The following DPP6 variants were observed in gnomAD, a reference collection of about 807,000 sequenced individuals.
The protein encoded by DPP6 is dipeptidyl peptidase like 6, also known as A-type potassium channel modulatory protein DPP6.
DPP6 carries 69 observed loss-of-function variants against 122.6 expected under a neutral mutation model. That is an observed-to-expected ratio of 0.56 (90% CI 0.46 to 0.69). The LOEUF (loss-of-function observed/expected upper bound fraction) is 0.69. DPP6 is among the 30% of genes least tolerant of loss of function. The probability of loss-of-function intolerance (pLI) is 0.00; values close to 1 mark genes in which losing one functional copy is unlikely to be tolerated. For missense variants in DPP6, 928 were observed against 1,116.9 expected (o/e 0.83, Z 2.41); for synonymous variants, 418 against 433.1 (o/e 0.97, Z 0.43).
chr7:153,845,151 T>C, the DPP6 span, among the ~76,000 whole-genome samples: 1 of 152,214 alleles, frequency 6.6e-6, no homozygotes, highest in African/African-American at 2.4e-5. Flanking sequence ...CAACTTTTTA[T>C]TAAAATGTAC....
At chr7:154,889,558 A>T in intron 25 of DPP6, 28 bp downstream of exon 25, 1 of 1,586,650 alleles carries the variant, frequency 6.3e-7, no homozygotes. Flanking sequence ...CTCTGTTTTG[A>T]ACCTGGAGCA....
chr7:153,944,351 TG>T (rs1801840068), intron 1 of DPP6, among the ~76,000 whole-genome samples: 1 of 152,178 alleles, frequency 6.6e-6, no homozygotes, highest in Non-Finnish European at 1.5e-5. Context: ...TGCTTGGACC[TG>T]TAGATGGACA....
At chr7:154,140,750 C>T (rs1400735182) in intron 1 of DPP6, among the ~76,000 whole-genome samples, 1 of 152,090 alleles carries the variant, frequency 6.6e-6, no homozygotes, top group African/African-American at 2.4e-5. Flanking sequence ...TTTTTTAAGC[C>T]TCATTTCTAA....
intron 1 of DPP6, among the ~76,000 whole-genome samples, chr7:154,324,897 T>C (rs1210141672): frequency 1.4e-5 from 2 of 145,864 alleles, no homozygotes; most frequent in Non-Finnish European, 3.0e-5. Context: ...TCTTGCTCTG[T>C]TGCCCCTGGA....
chr7:154,639,810 C>T (rs528773095), intron 6 of DPP6, among the ~76,000 whole-genome samples: 1 of 152,164 alleles, frequency 6.6e-6, no homozygotes, highest in Admixed American at 6.5e-5. Context: ...TATTGGTTAG[C>T]TTTCATATAC....
chr7:154,217,313 G>A (rs1423203109), intron 1 of DPP6, among the ~76,000 whole-genome samples: 1 of 152,212 alleles, frequency 6.6e-6, no homozygotes, highest in Non-Finnish European at 1.5e-5. Context: ...TTAAGTAAGA[G>A]TGGTCCTTGG....
At chr7:154,883,268 TCACA>T (rs201106275) in intron 21 of DPP6, among the ~76,000 whole-genome samples, 1,378 of 112,824 alleles carry the variant, frequency 0.012, 27 homozygotes, top group African/African-American at 0.046. Context: ...ACACCTGCTC[TCACA>T]CACATGCTCA....
chr7:154,324,985 C>T (rs1260384482), intron 1 of DPP6, among the ~76,000 whole-genome samples: 4 of 151,486 alleles, frequency 2.6e-5, no homozygotes, highest in Non-Finnish European at 5.9e-5. Flanking sequence ...CTCACTCAGC[C>T]TCCCGAGTAG....
intron 1 of DPP6, among the ~76,000 whole-genome samples, chr7:154,030,534 T>C (rs1799173274): frequency 6.6e-6 from 1 of 152,142 alleles, no homozygotes; most frequent in South Asian, 2.1e-4. Flanking sequence ...ATAACGGTGC[T>C]TCCTGCTGCT....
intron 10 of DPP6, among the ~76,000 whole-genome samples, chr7:154,790,053 C>G (rs1409029225): frequency 6.6e-6 from 1 of 152,084 alleles, no homozygotes; most frequent in Non-Finnish European, 1.5e-5. Context: ...CAAAAATTAG[C>G]CGGGCATGGT....
At chr7:154,245,098 G>A (rs1349519249) in intron 1 of DPP6, among the ~76,000 whole-genome samples, 1 of 151,462 alleles carries the variant, frequency 6.6e-6, no homozygotes, top group Non-Finnish European at 1.5e-5. Flanking sequence ...TTACAGGCAT[G>A]CACCACCATG....
At chr7:153,994,433 A>G (rs1259114046) in intron 1 of DPP6, among the ~76,000 whole-genome samples, 1 of 151,640 alleles carries the variant, frequency 6.6e-6, no homozygotes, top group Admixed American at 6.6e-5. Context: ...TTCATATCCA[A>G]TATTAAATTG....
chr7:153,959,176 T>C (rs1020910991), intron 1 of DPP6, among the ~76,000 whole-genome samples: 3 of 149,618 alleles, frequency 2.0e-5, no homozygotes, highest in African/African-American at 7.4e-5. Context: ...CTTTTTTTTT[T>C]CTGTTGTATA....
Position 154,893,148 on chromosome 7 carries a change from G to T in DPP6, c.*668G>T, listed in dbSNP as rs1234806852. On this transcript the variant is annotated 3_prime_UTR_variant, in exon 26 of 26. Coordinates refer to ENST00000377770, the MANE Select transcript of DPP6 (RefSeq NM_130797.4). ...TCATGGGGTTGTTTTGCTGTTTGGGGTTGGGCCTTGTTTCCCTTTCCTTTC... is the reference window on the plus strand; with the variant it reads ...TCATGGGGTTGTTTTGCTGTTTGGGTTTGGGCCTTGTTTCCCTTTCCTTTC... 2.9e-6 allele frequency: 1 copy of T among 343,902 alleles called. No individual in the cohort carries two copies. The highest frequency in any genetic ancestry group is 5.7e-6 in the Non-Finnish European group (1 of 174,724). The allele number at this position is 343,902 out of a possible 1,614,324, so 21.3% of individuals were successfully genotyped here. A position where few individuals can be genotyped will look rare whatever the true frequency, so the allele number is the denominator to read the frequency against.
chr7:153,818,342 T>C, the DPP6 span, among the ~76,000 whole-genome samples: 167 of 152,146 alleles, frequency 1.1e-3, 1 homozygote, highest in Non-Finnish European at 2.2e-4. Context: ...GAGGGGGCAA[T>C]GCCAGCACTA....
chr7:154,439,264 C>G (rs186290486), intron 1 of DPP6, among the ~76,000 whole-genome samples: 1 of 152,254 alleles, frequency 6.6e-6, no homozygotes, highest in East Asian at 1.9e-4. Context: ...GCAAAAACAG[C>G]CATTATCTAA....
intron 3 of DPP6, among the ~76,000 whole-genome samples, chr7:154,506,324 T>C (rs1043506605): frequency 1.3e-5 from 2 of 152,098 alleles, no homozygotes; most frequent in Non-Finnish European, 2.9e-5. Context: ...CTCAAGAATT[T>C]TCAGTAAAGA....
intron 1 of DPP6, among the ~76,000 whole-genome samples, chr7:153,948,946 C>T (rs2041203): frequency 0.48 from 72,578 of 151,512 alleles, 18,637 homozygotes; most frequent in East Asian, 0.86. Context: ...AAACAAAAGA[C>T]GTGTGGTCTC....
chr7:154,254,509 A>G (rs1167602749), intron 1 of DPP6, among the ~76,000 whole-genome samples: 2 of 152,156 alleles, frequency 1.3e-5, no homozygotes, highest in African/African-American at 2.4e-5. Flanking sequence ...GAAAAATCCA[A>G]GCGGGTAAGC....
Sources: gnomAD v4.1 joint callset for allele counts (sites outside exome capture counted in the v4.1 genomes callset) on GRCh38, gnomAD v4.1.1 for gene constraint, MANE v1.5 for transcripts, NCBI Gene and HGNC (gene_info 2026-07-23, HGNC 2026-07-21) for gene names.